Variants in SUCLG2 observed in about 807,000 individuals in gnomAD.
SUCLG2 encodes succinate-CoA ligase GDP-forming subunit beta.
Under a neutral mutation model 47.9 loss-of-function variants are expected in SUCLG2, and 42 were observed. That is an observed-to-expected ratio of 0.88 (90% CI 0.69 to 1.14). The LOEUF is 1.14. SUCLG2 is among the 50% of genes most tolerant of loss of function. SUCLG2 has a pLI of 0.00. For synonymous variants in SUCLG2, 195 were observed against 197.3 expected (o/e 0.99, Z 0.10); for missense variants, 571 against 525.9 (o/e 1.09, Z -0.84).
chr3:67,632,144 C>T (rs576126032), intron 1 of SUCLG2, among the ~76,000 whole-genome samples: 6 of 152,048 alleles, frequency 3.9e-5, no homozygotes, highest in African/African-American at 7.2e-5. Context: ...AATAAATAGA[C>T]AAATAAGCCA....
intron 9 of SUCLG2, among the ~76,000 whole-genome samples, chr3:67,417,142 T>C (rs534687192): frequency 4.0e-5 from 6 of 151,562 alleles, no homozygotes; most frequent in African/African-American, 7.3e-5. Flanking sequence ...GAAAAAAAAA[T>C]AGTACTACCA....
intron 2 of SUCLG2, among the ~76,000 whole-genome samples, chr3:67,551,887 A>T (rs1010852308): frequency 6.6e-6 from 1 of 152,140 alleles, no homozygotes; most frequent in African/African-American, 2.4e-5. Flanking sequence ...GCCCAATATC[A>T]CACAGCTGTC....
chr3:67,367,285 A>T (rs1342858445), intron 10 of SUCLG2, among the ~76,000 whole-genome samples: 1 of 152,156 alleles, frequency 6.6e-6, no homozygotes, highest in African/African-American at 2.4e-5. Context: ...TTTGCAGTTT[A>T]ATATTTATCC....
chr3:67,374,694 G>A (rs150563876), downstream of SUCLG2: 225 of 840,288 alleles, frequency 2.7e-4, 3 homozygotes, highest in Admixed American at 0.011. Flanking sequence ...ATAAAATTGA[G>A]TAAAATGAGA....
chr3:67,537,752 T>C (rs895510475), intron 2 of SUCLG2, among the ~76,000 whole-genome samples: 1 of 152,240 alleles, frequency 6.6e-6, no homozygotes, highest in African/African-American at 2.4e-5. Context: ...GACTTTTTAA[T>C]GGTTGCCATT....
intron 4 of SUCLG2, among the ~76,000 whole-genome samples, chr3:67,522,962 C>T (rs572858181): frequency 4.4e-4 from 67 of 152,004 alleles, no homozygotes; most frequent in Middle Eastern, 3.4e-3. Context: ...CCGTGCCTGG[C>T]CTAATTGTTT....
At chr3:67,503,236 G>C (rs1405403396) in intron 7 of SUCLG2, among the ~76,000 whole-genome samples, 2 of 152,032 alleles carry the variant, frequency 1.3e-5, no homozygotes, top group African/African-American at 4.8e-5. Context: ...CCACTTGTGT[G>C]AACCAAGTGA....
At chr3:67,509,051 T>A in intron 6 of SUCLG2, 148 bp from the exon 7 acceptor site, 1 of 600,650 alleles carries the variant, frequency 1.7e-6, no homozygotes, top group Non-Finnish European at 2.9e-6. Context: ...ATAATTATTT[T>A]AATTTCCACT....
intron 6 of SUCLG2, chr3:67,514,030 C>T: frequency 3.4e-5 from 12 of 349,342 alleles, no homozygotes; most frequent in South Asian, 2.7e-4. Context: ...GGAAACCCAG[C>T]AGGCGCAAGC....
chr3:67,386,150 G>A (rs570109751), intron 10 of SUCLG2, among the ~76,000 whole-genome samples: 17 of 152,100 alleles, frequency 1.1e-4, no homozygotes, highest in African/African-American at 3.4e-4. Flanking sequence ...GTGCAGTGGC[G>A]CGATCTCGGC....
chr3:67,579,338 T>C (rs1323814755), intron 2 of SUCLG2, among the ~76,000 whole-genome samples: 1 of 152,166 alleles, frequency 6.6e-6, no homozygotes, highest in Admixed American at 6.6e-5. Flanking sequence ...TCTCTACACA[T>C]AATTTAATTA....
intron 9 of SUCLG2, among the ~76,000 whole-genome samples, chr3:67,432,354 T>A (rs936132501): frequency 3.9e-5 from 6 of 152,236 alleles, no homozygotes; most frequent in African/African-American, 1.4e-4. Context: ...CCTGCAGGTC[T>A]AGGACAGTAC....
In SUCLG2 at chr3:67,541,239, TG is replaced by T. The variant is rs368298823; in HGVS notation, c.227-12054del. Among the ~76,000 whole-genome samples, 46 of 152,226 alleles carry T rather than the reference TG, an allele frequency of 3.0e-4. 1 individual carries two copies. Among genetic ancestry groups the T allele is most frequent in the African/African-American group, 9.9e-4 (41 of 41,550 alleles). Reference sequence around the variant, plus strand: ...ATTGACAGAAGTAGGTTTCAGAAGGTGGGTATTAACAAACTCCTCTGAACTA... The same window carrying T: ...ATTGACAGAAGTAGGTTTCAGAAGGTGGTATTAACAAACTCCTCTGAACTA... On this transcript the variant is annotated intron_variant, in intron 2 of 10. Transcript: ENST00000307227.
intron 9 of SUCLG2, 29 bp from the exon 10 acceptor site, chr3:67,400,880 C>T (rs1427614532): frequency 1.2e-6 from 2 of 1,611,430 alleles, no homozygotes; most frequent in Admixed American, 1.7e-5. Context: ...AGTTACCAAT[C>T]AAAATGCTGA....
At chr3:67,587,551 G>A (rs1485749294) in intron 2 of SUCLG2, among the ~76,000 whole-genome samples, 1 of 152,204 alleles carries the variant, frequency 6.6e-6, no homozygotes, top group East Asian at 1.9e-4. Context: ...GATGCCAGAA[G>A]GACCCTAGGA....
chr3:67,600,057 T>C (rs1268032108), intron 2 of SUCLG2, among the ~76,000 whole-genome samples: 1 of 152,266 alleles, frequency 6.6e-6, no homozygotes, highest in African/African-American at 2.4e-5. Context: ...GTAATATTTA[T>C]TCTGTTGCAA....
intron 1 of SUCLG2, among the ~76,000 whole-genome samples, chr3:67,610,379 C>T (rs992639283): frequency 7.9e-5 from 12 of 152,218 alleles, no homozygotes; most frequent in Middle Eastern, 3.4e-3. Flanking sequence ...ATATGCACTA[C>T]GTGTTTATCT....
In SUCLG2 at chr3:67,474,412, G is replaced by A. The variant is rs143850254; in HGVS notation, c.1062+21386C>T. ...GAAGCTTATTTGCTACTTTTTCGCC[G>A]GTCTCATTCTATAGATTTCTGTGGC... On this transcript the variant is annotated intron_variant, in intron 9 of 10. Transcript: ENST00000307227. Among the ~76,000 whole-genome samples the A allele has an allele frequency of 4.0e-4, 61 of 152,084 alleles. 1 individual carries two copies. The highest frequency in any genetic ancestry group is 3.4e-3 in the Middle Eastern group (1 of 294).
At chr3:67,631,659 T>C (rs935833939) in intron 1 of SUCLG2, among the ~76,000 whole-genome samples, 2 of 152,084 alleles carry the variant, frequency 1.3e-5, no homozygotes, top group Non-Finnish European at 2.9e-5. Flanking sequence ...ATTTACTACG[T>C]GGTCATCTAC....
Sources: allele counts gnomAD v4.1 joint callset (sites outside exome capture counted in the v4.1 genomes callset), GRCh38; gene constraint gnomAD v4.1.1; transcripts MANE v1.5; gene names NCBI Gene and HGNC (gene_info 2026-07-23, HGNC 2026-07-21).